Variants in ATRAID observed in about 807,000 individuals in gnomAD.
ATRAID encodes all-trans retinoic acid induced differentiation factor.
A neutral mutation model predicts 28.8 loss-of-function variants in ATRAID; 26 were observed. The observed-to-expected ratio is 0.90, with a 90% CI of 0.66 to 1.25. The LOEUF is 1.25. Ranked by LOEUF, ATRAID falls within the 50% of genes most tolerant of loss-of-function variation. The probability of loss-of-function intolerance (pLI) is 0.00; values close to 1 mark genes in which losing one functional copy is unlikely to be tolerated. For synonymous variants in ATRAID, 131 were observed against 108.5 expected (o/e 1.21, Z -1.29); for missense variants, 308 against 285.9 (o/e 1.08, Z -0.56).
chr2:27,213,116 G>A (rs1314964615), intron 1 of ATRAID, 61 bp from the exon 2 acceptor site: 2 of 1,581,492 alleles, frequency 1.3e-6, no homozygotes, highest in Non-Finnish European at 1.7e-6. Context: ...ATTCTTGATC[G>A]CCGTTTGTTC....
At position 27,215,362 on chromosome 2, in the gene ATRAID, A is replaced by C. The variant is rs139703402; in HGVS notation, c.263A>C (p.Asn88Thr). The change falls in exon 3 of 7, where the codon AAC becomes ACC. Residue 88 changes from asparagine to threonine, a missense_variant. Coordinates refer to ENST00000380171, the MANE Select transcript of ATRAID (RefSeq NM_001170795.4). ...QNCSLEDPGP[N>T]FHQAHTTVII... ...TGTTCTCTGGAGGACCCTGGTCCAAACTTTCATCAGGCACATACCACTGTC... is the reference window on the plus strand; with the variant it reads ...TGTTCTCTGGAGGACCCTGGTCCAACCTTTCATCAGGCACATACCACTGTC... 48 of 1,614,078 alleles carry C rather than the reference A, an allele frequency of 3.0e-5. No individual in the cohort carries two copies. Among genetic ancestry groups the C allele is most frequent in the Non-Finnish European group, 4.0e-5 (47 of 1,180,044 alleles).
chr2:27,213,405 AATC>A (rs1451091442), intron 2 of ATRAID, 107 bp downstream of exon 2: 27 of 1,393,848 alleles, frequency 1.9e-5, no homozygotes, highest in Non-Finnish European at 2.3e-5. Flanking sequence ...TTTCAGCTGT[AATC>A]ATCACGCAGA....
rs1373086465 is a variant in ATRAID, at chr2:27,212,100, T to A, written c.-269T>A. 1 of 1,438,572 alleles carries A rather than the reference T, an allele frequency of 7.0e-7. No individual in the cohort carries two copies. The highest frequency in any genetic ancestry group is 1.5e-5 in the African/African-American group (1 of 66,158). The allele number at this position is 1,438,572 out of a possible 1,614,324, so 89.1% of individuals were successfully genotyped here. On this transcript the variant is annotated 5_prime_UTR_variant, in exon 1 of 7. Coordinates refer to ENST00000380171, the MANE Select transcript of ATRAID (RefSeq NM_001170795.4). The stretch of plus-strand genomic sequence containing the variant: ...CGCGGGGAACACCGGGCTGAGGGAG[T>A]CTGCAGTCGGCTCCGGGAAGCCGCG...
rs1318623750 is a variant in ATRAID, at chr2:27,212,201, C to T, written c.-168C>T. The T allele has an allele frequency of 1.9e-6, 3 of 1,553,786 alleles. No individual in the cohort carries two copies. In the African/African-American group the frequency reaches 4.1e-5, roughly 21 times the overall value. ...CAGTATCCCCGAAAGAGGGCTAGGG[C>T]GCATGAAGACCAGCGCAGAGCTCCA... On this transcript the variant is annotated 5_prime_UTR_variant, in exon 1 of 7. Transcript: ENST00000380171.
chr2:27,212,745 CTT>C (rs1049476466), intron 1 of ATRAID: 1 of 951,256 alleles, frequency 1.1e-6, no homozygotes, highest in Non-Finnish European at 1.4e-6. Flanking sequence ...TCCTCTGCCT[CTT>C]GTGTAATCTC....
chr2:27,215,575 G>C, intron 4 of ATRAID, 30 bp downstream of exon 4: 1 of 1,614,208 alleles, frequency 6.2e-7, no homozygotes. Context: ...GAGAATCAAA[G>C]AGGGATGATG....
chr2:27,216,094 G>A (rs1238745628), intron 5 of ATRAID, among the ~76,000 whole-genome samples: 2 of 152,198 alleles, frequency 1.3e-5, no homozygotes, highest in Non-Finnish European at 2.9e-5. Context: ...TGTTTTGCGG[G>A]CAGGGGATGG....
At chr2:27,212,697 T>C in intron 1 of ATRAID, 2 of 1,309,400 alleles carry the variant, frequency 1.5e-6, no homozygotes, top group East Asian at 5.8e-5. Flanking sequence ...TTTCGCCCCT[T>C]AATTTTAGAA....
chr2:27,216,755 TG>T (rs778530773), intron 6 of ATRAID, 88 bp from the exon 7 acceptor site: 3 of 1,428,224 alleles, frequency 2.1e-6, no homozygotes, highest in Non-Finnish European at 2.9e-6. Flanking sequence ...CTAGACAAAG[TG>T]ATAGGTATAT....
rs1445382801 is a variant in ATRAID at position 27,215,228 on chromosome 2, G to A, written c.222-93G>A. ...TGAACACAGCTGTGTTCAATTATTA[G>A]CTGAAAAGGGGGTTGTGTAGTCAAA... On this transcript the variant is annotated intron_variant, in intron 2 of 6. Transcript: ENST00000380171. 4 of 1,248,526 alleles carry A rather than the reference G, an allele frequency of 3.2e-6. No individual in the cohort carries two copies. The East Asian group carries it at 9.4e-5, about 29-fold the overall frequency. The allele number at this position is 1,248,526 out of a possible 1,614,324, so 77.3% of individuals were successfully genotyped here. A position where few individuals can be genotyped will look rare whatever the true frequency, so the allele number is the denominator to read the frequency against.
At chr2:27,215,219 C>T (rs1161593431) in intron 2 of ATRAID, 102 bp from the exon 3 acceptor site, 3 of 1,161,286 alleles carry the variant, frequency 2.6e-6, no homozygotes, top group South Asian at 1.3e-5. Context: ...CAGCTGTGTT[C>T]AATTATTAGC....
In ATRAID at chr2:27,212,146, A is replaced by T; in HGVS notation, c.-223A>T. 6.5e-7 allele frequency: 1 copy of T among 1,526,766 alleles called. No homozygotes were observed. The highest frequency in any genetic ancestry group is 8.8e-7 in the Non-Finnish European group (1 of 1,139,662). 94.6% of individuals were successfully genotyped at this position (1,526,766 alleles called of 1,614,324 possible). ...CCGCGCGGCGACGGGGGAGGCCTTC[A>T]CTAAAGGGGAAAAGGAAGAGGGGGT... is the stretch of plus-strand genomic sequence containing the variant. On this transcript the variant is annotated 5_prime_UTR_variant, in exon 1 of 7. Transcript: ENST00000380171.
rs1443259321 is a variant in ATRAID at position 27,215,762 on chromosome 2, T to A, written c.487+9T>A. 1 of 1,612,308 alleles carries A rather than the reference T, an allele frequency of 6.2e-7. No homozygotes were observed. Among genetic ancestry groups the A allele is most frequent in the Non-Finnish European group, 8.5e-7 (1 of 1,179,480 alleles). On this transcript the variant is annotated intron_variant, in intron 5 of 6. Transcript: ENST00000380171. Reference sequence around the variant, plus strand: ...TAACACTGGGGACCCAGGTATGCTGTCTTACCTCCAAACTTCTGGGAATTG... The same window carrying A: ...TAACACTGGGGACCCAGGTATGCTGACTTACCTCCAAACTTCTGGGAATTG...
chr2:27,216,826 T>C lies in ATRAID; in HGVS notation c.586-18T>C. ...GTGTAACGTTGTATGGGGGTGTTTT[T>C]TGGTCTGTTGTTCACAGGGCTCGTT... is the stretch of plus-strand genomic sequence containing the variant. On this transcript the variant is annotated intron_variant, in intron 6 of 6. Coordinates refer to ENST00000380171, the MANE Select transcript of ATRAID (RefSeq NM_001170795.4). 1 of 1,603,680 alleles carries C rather than the reference T, an allele frequency of 6.2e-7. No individual in the cohort carries two copies.
intron 1 of ATRAID, chr2:27,212,734 G>C: frequency 9.4e-7 from 1 of 1,059,840 alleles, no homozygotes; most frequent in South Asian, 1.9e-5. Context: ...CTACAGACGG[G>C]TCCTCTGCCT....
In ATRAID at chr2:27,216,920, C is replaced by G; in HGVS notation, c.662C>G (p.Thr221Ser). 1.2e-6 allele frequency: 2 copies of G among 1,613,938 alleles called. No homozygotes were observed. The highest frequency in any genetic ancestry group is 1.7e-6 in the Non-Finnish European group (2 of 1,179,888). Residue 221 changes from threonine to serine, a missense_variant, in exon 7 of 7, where the codon ACC becomes AGC. By Grantham distance (58) the Thr-to-Ser change is moderately conservative. Transcript: ENST00000380171. ...TLSVSILLWATQRRKAKTS is the reference protein window; with the variant it reads ...TLSVSILLWASQRRKAKTS The stretch of plus-strand genomic sequence containing the variant: ...TCCGTCTCCATTCTGCTTTGGGCGA[C>G]CCAGCGCCGAAAAGCCAAGACTTCA...
chr2:27,215,419 A>G (rs775564143), intron 3 of ATRAID, 27 bp downstream of exon 3: 1 of 1,614,062 alleles, frequency 6.2e-7, no homozygotes, highest in South Asian at 1.1e-5. Flanking sequence ...CTCCCACCCA[A>G]AAGGCTAATA....
chr2:27,213,030 A>T, intron 1 of ATRAID, 147 bp from the exon 2 acceptor site: 2 of 988,292 alleles, frequency 2.0e-6, no homozygotes, highest in Non-Finnish European at 3.0e-6. Context: ...AGCCTGTTAC[A>T]AGGGTGGGAC....
rs1318438598 is a variant in ATRAID at position 27,216,051 on chromosome 2, A to C, written c.487+298A>C. ...TGGTGGGATTATCATTAGTTCTTACAGGTTTTGGGGTAGGCAGTGGAGTTA... is the reference window on the plus strand; with the variant it reads ...TGGTGGGATTATCATTAGTTCTTACCGGTTTTGGGGTAGGCAGTGGAGTTA... On this transcript the variant is annotated intron_variant, in intron 5 of 6. Transcript: ENST00000380171. 2.6e-5 allele frequency among the ~76,000 whole-genome samples: 4 copies of C among 152,318 alleles called. No homozygotes were observed. In the East Asian group the frequency reaches 7.7e-4, roughly 29 times the overall value.
Sources: allele counts gnomAD v4.1 joint callset (sites outside exome capture counted in the v4.1 genomes callset), GRCh38; gene constraint gnomAD v4.1.1; transcripts MANE v1.5; gene names NCBI Gene and HGNC (gene_info 2026-07-23, HGNC 2026-07-21).